The following RERE variants were observed in gnomAD, a reference collection of about 807,000 sequenced individuals.
The protein encoded by RERE is arginine-glutamic acid dipeptide repeats protein.
A neutral mutation model predicts 146.1 loss-of-function variants in RERE; 40 were observed. That is an observed-to-expected ratio of 0.27 (90% CI 0.21 to 0.36). The LOEUF (loss-of-function observed/expected upper bound fraction) is 0.36. RERE is among the 10% of genes least tolerant of loss of function. The probability of loss-of-function intolerance (pLI) is 1.00; values close to 1 mark genes in which losing one functional copy is unlikely to be tolerated. For missense variants in RERE, 1,933 were observed against 2,138.7 expected (o/e 0.90, Z 1.90); for synonymous variants, 1,003 against 866.0 (o/e 1.16, Z -2.78).
At chr1:8,639,691 CA>C (rs1647150739) in intron 2 of RERE, among the ~76,000 whole-genome samples, 1 of 152,180 alleles carries the variant, frequency 6.6e-6, no homozygotes, top group Admixed American at 6.5e-5. Context: ...TACTACTTTT[CA>C]GTTAAACTGT....
At chr1:8,602,606 G>C (rs891096913) in intron 4 of RERE, among the ~76,000 whole-genome samples, 3 of 151,794 alleles carry the variant, frequency 2.0e-5, no homozygotes, top group African/African-American at 7.3e-5. Flanking sequence ...ATACTTGTTT[G>C]GTTTCGTGCC....
Position 8,637,681 on chromosome 1 carries a change from A to T in RERE, c.326-13301T>A, listed in dbSNP as rs545138021. Among the ~76,000 whole-genome samples the T allele has an allele frequency of 6.6e-5, 10 of 152,332 alleles. No homozygotes were observed. The South Asian group carries it at 1.2e-3, about 19-fold the overall frequency. On this transcript the variant is annotated intron_variant, in intron 2 of 22. Transcript: ENST00000400908. ...GTCTGATCCACTCATGGTGGCAAAG[A>T]TTTACCCTTCAAAGATTATACAAAG...
chr1:8,552,704 G>C (rs1017589947), intron 6 of RERE, among the ~76,000 whole-genome samples: 1 of 152,186 alleles, frequency 6.6e-6, no homozygotes, highest in Non-Finnish European at 1.5e-5. Context: ...GAGACTGCTG[G>C]GGGGCACTGC....
intron 1 of RERE, among the ~76,000 whole-genome samples, chr1:8,729,551 T>C (rs1356760702): frequency 6.6e-6 from 1 of 152,044 alleles, no homozygotes; most frequent in Non-Finnish European, 1.5e-5. Context: ...TTTCTATGGT[T>C]GTTTGTCTTC....
chr1:8,411,163 C>T (rs1380553395), intron 12 of RERE, among the ~76,000 whole-genome samples: 4 of 152,038 alleles, frequency 2.6e-5, no homozygotes, highest in Non-Finnish European at 4.4e-5. Flanking sequence ...TATTGGTAAA[C>T]ATGGACATCT....
At chr1:8,601,626 C>CCACACACA (rs3082094) in intron 4 of RERE, among the ~76,000 whole-genome samples, 12,346 of 94,774 alleles carry the variant, frequency 0.13, 1,677 homozygotes, top group Non-Finnish European at 0.14. Context: ...TCCAAGGTCA[C>CCACACACA]CACACACACA....
chr1:8,601,624 C>CA (rs1646626939), intron 4 of RERE, among the ~76,000 whole-genome samples: 8 of 78,024 alleles, frequency 1.0e-4, no homozygotes, highest in South Asian at 8.2e-4. Flanking sequence ...TGTCCAAGGT[C>CA]ACCACACACA....
At chr1:8,441,326 G>T (rs193007417) in intron 11 of RERE, among the ~76,000 whole-genome samples, 1 of 152,298 alleles carries the variant, frequency 6.6e-6, no homozygotes, top group East Asian at 1.9e-4. Context: ...AGCCTGAGAA[G>T]GCACACGCTC....
intron 6 of RERE, among the ~76,000 whole-genome samples, chr1:8,548,870 A>G (rs1345564528): frequency 6.6e-6 from 1 of 152,208 alleles, no homozygotes; most frequent in Non-Finnish European, 1.5e-5. Flanking sequence ...CTGTAATCTC[A>G]GCCACTCGGG....
intron 1 of RERE, among the ~76,000 whole-genome samples, chr1:8,711,157 C>CAAAAAAAAAAAA (rs57814312): frequency 2.9e-5 from 2 of 68,248 alleles, no homozygotes; most frequent in African/African-American, 6.2e-5. Context: ...ACTCTGTCTC[C>CAAAAAAAAAAAA]AAAAAAAAAA....
chr1:8,498,477 C>G (rs928735467), intron 8 of RERE, among the ~76,000 whole-genome samples: 1 of 151,564 alleles, frequency 6.6e-6, no homozygotes, highest in Non-Finnish European at 1.5e-5. Flanking sequence ...GGGTGGATCA[C>G]CTGAGGTCAG....
intron 1 of RERE, among the ~76,000 whole-genome samples, chr1:8,695,077 T>C (rs568985861): frequency 4.9e-5 from 7 of 143,602 alleles, no homozygotes; most frequent in Admixed American, 3.6e-4. Flanking sequence ...AACAGACACA[T>C]AGACCAATGA....
intron 4 of RERE, among the ~76,000 whole-genome samples, chr1:8,568,110 A>G (rs1646173585): frequency 6.6e-6 from 1 of 152,166 alleles, no homozygotes; most frequent in Non-Finnish European, 1.5e-5. Context: ...GACAGCATCT[A>G]ATCGGCTGGG....
chr1:8,625,158 T>G (rs1466625516), intron 2 of RERE, among the ~76,000 whole-genome samples: 1 of 152,186 alleles, frequency 6.6e-6, no homozygotes, highest in Non-Finnish European at 1.5e-5. Flanking sequence ...TGTTTTGTTT[T>G]GTTTTGGCTG....
chr1:8,610,032 C>G (rs114272782), intron 4 of RERE, among the ~76,000 whole-genome samples: 1,691 of 152,138 alleles, frequency 0.011, 31 homozygotes, highest in African/African-American at 0.039. Context: ...GCCTCCCAAA[C>G]TGCTGGGGAT....
At position 8,565,174 on chromosome 1, in the gene RERE, A is replaced by C. The variant is rs567124379; in HGVS notation, c.523-7651T>G. On this transcript the variant is annotated intron_variant, in intron 4 of 22. Coordinates refer to ENST00000400908, the MANE Select transcript of RERE (RefSeq NM_001042681.2). ...ACTGCACAACATGATTAATATAGTT[A>C]ATAACAGTGTATTGTACATTTCAAA... 2.6e-5 allele frequency among the ~76,000 whole-genome samples: 4 copies of C among 152,246 alleles called. No homozygotes were observed. In the East Asian group the frequency reaches 7.7e-4, roughly 29 times the overall value.
chr1:8,490,665 T>C (rs1295040167), intron 10 of RERE, among the ~76,000 whole-genome samples: 1 of 150,452 alleles, frequency 6.6e-6, no homozygotes, highest in Non-Finnish European at 1.5e-5. Flanking sequence ...TCAAAATCCT[T>C]ATGCCCAAAG....
At chr1:8,399,599 A>G (rs983827914) in intron 12 of RERE, among the ~76,000 whole-genome samples, 1 of 152,084 alleles carries the variant, frequency 6.6e-6, no homozygotes, top group Non-Finnish European at 1.5e-5. Context: ...TTTTCTTGCT[A>G]TTCTTGGACC....
At chr1:8,811,794 T>G (rs1267982783) in intron 1 of RERE, among the ~76,000 whole-genome samples, 5 of 152,254 alleles carry the variant, frequency 3.3e-5, no homozygotes, top group Non-Finnish European at 7.3e-5. Context: ...ACAAGCTCTC[T>G]TTTAAGGTTA....
Sources: gnomAD v4.1 joint callset for allele counts (sites outside exome capture counted in the v4.1 genomes callset) on GRCh38, gnomAD v4.1.1 for gene constraint, MANE v1.5 for transcripts, NCBI Gene and HGNC (gene_info 2026-07-23, HGNC 2026-07-21) for gene names.